Variants in TMPRSS2 observed in about 807,000 individuals in gnomAD.
TMPRSS2 encodes the protein transmembrane serine protease 2.
TMPRSS2 carries 59 observed loss-of-function variants against 67.4 expected under a neutral mutation model. The ratio of observed to expected loss-of-function variants is 0.88; its 90% CI spans 0.71 to 1.09. TMPRSS2 has a LOEUF of 1.09. Ranked by LOEUF, TMPRSS2 falls within the 50% of genes least tolerant of loss-of-function variation. The probability of loss-of-function intolerance (pLI) is 0.00; values close to 1 mark genes in which losing one functional copy is unlikely to be tolerated. For synonymous variants in TMPRSS2, 257 were observed against 257.0 expected (o/e 1.00, Z 0.00); for missense variants, 668 against 642.7 (o/e 1.04, Z -0.43).
rs1458606956 is a variant in TMPRSS2, at chr21:41,467,724, G to A, written c.1467+10C>T. The stretch of plus-strand genomic sequence containing the variant: ...GGAGAACACAGTCAGAAGGAGGACA[G>A]GATAGTTACCCTCATTTGTCGATAA... On this transcript the variant is annotated intron_variant, in intron 13 of 13. Transcript: ENST00000332149. The A allele has an allele frequency of 9.3e-6, 15 of 1,613,824 alleles. No individual in the cohort carries two copies. In the African/African-American group the frequency reaches 1.3e-4, roughly 14 times the overall value.
rs919974692 is a variant in TMPRSS2, at chr21:41,491,155, T to A, written c.239-1562A>T. 9.1e-3 allele frequency among the ~76,000 whole-genome samples: 577 copies of A among 63,078 alleles called. 5 individuals are homozygous for A. The highest frequency in any genetic ancestry group is 0.074 in the African/African-American group (553 of 7,476). The allele number at this position is 63,078 out of a possible 152,430, so 41.4% of individuals were successfully genotyped here. ...TCGGGCATGAATCTGCATTGCATTT[T>A]TTTTTTTTTTTTTTTTTTTTGAGAC... is the stretch of plus-strand genomic sequence containing the variant. On this transcript the variant is annotated intron_variant, in intron 3 of 13. Coordinates refer to ENST00000332149, the MANE Select transcript of TMPRSS2 (RefSeq NM_005656.4).
intron 2 of TMPRSS2, among the ~76,000 whole-genome samples, chr21:41,495,933 G>A (rs1220968488): frequency 4.6e-5 from 7 of 151,732 alleles, no homozygotes; most frequent in African/African-American, 7.3e-5. Flanking sequence ...AAAAAAAGTG[G>A]CAGACATTGG....
At chr21:41,469,978 C>T (rs1023405962) in intron 11 of TMPRSS2, among the ~76,000 whole-genome samples, 3 of 152,202 alleles carry the variant, frequency 2.0e-5, no homozygotes, top group Non-Finnish European at 4.4e-5. Flanking sequence ...CCCCCACTAC[C>T]TTCCCTGACG....
At chr21:41,472,049 A>T in intron 9 of TMPRSS2, 68 bp from the exon 10 acceptor site, 1 of 1,444,294 alleles carries the variant, frequency 6.9e-7, no homozygotes, top group Non-Finnish European at 9.3e-7. Context: ...TGAACTTCCA[A>T]CGTCAGAAGC....
chr21:41,491,150 C>T (rs974147893), intron 3 of TMPRSS2, among the ~76,000 whole-genome samples: 5 of 103,352 alleles, frequency 4.8e-5, no homozygotes, highest in African/African-American at 1.5e-4. Context: ...ATCTGCATTG[C>T]ATTTTTTTTT....
Position 41,508,100 on chromosome 21 carries a change from G to T in TMPRSS2, c.-76C>A. 1.7e-6 allele frequency: 2 copies of T among 1,200,200 alleles called. No homozygotes were observed. The highest frequency in any genetic ancestry group is 2.1e-6 in the Non-Finnish European group (2 of 936,972). The allele number at this position is 1,200,200 out of a possible 1,614,324, so 74.3% of individuals were successfully genotyped here. A position where few individuals can be genotyped will look rare whatever the true frequency, so the allele number is the denominator to read the frequency against. ...GCTCACCTGCCGCGCTCCAGGCGGC[G>T]CTCCCCGCCCCTCGCCCTCCGCCTC... On this transcript the variant is annotated 5_prime_UTR_variant, in exon 1 of 14. Transcript: ENST00000332149.
chr21:41,495,806 C>T (rs909235619), intron 2 of TMPRSS2, among the ~76,000 whole-genome samples: 1 of 151,822 alleles, frequency 6.6e-6, no homozygotes, highest in Non-Finnish European at 1.5e-5. Flanking sequence ...CAGACTCAAA[C>T]TCGAGAACCA....
At chr21:41,493,323 C>A (rs1480787924) in intron 3 of TMPRSS2, among the ~76,000 whole-genome samples, 1 of 151,908 alleles carries the variant, frequency 6.6e-6, no homozygotes, top group Non-Finnish European at 1.5e-5. Context: ...CAGGAGGTGG[C>A]TGGAGAGGAA....
intron 5 of TMPRSS2, among the ~76,000 whole-genome samples, 177 bp from the exon 6 acceptor site, chr21:41,480,779 CAGGCG>C (rs2091251339): frequency 6.6e-6 from 1 of 152,162 alleles, no homozygotes; most frequent in Admixed American, 6.5e-5. Flanking sequence ...GCTGGGATTA[CAGGCG>C]TCCACCACCC....
chr21:41,469,662 T>C (rs1427587978), intron 11 of TMPRSS2, among the ~76,000 whole-genome samples: 1 of 152,136 alleles, frequency 6.6e-6, no homozygotes, highest in Non-Finnish European at 1.5e-5. Context: ...AGCCGGGACC[T>C]TGTGATCCCC....
chr21:41,481,839 GATC>G (rs1246200198), intron 5 of TMPRSS2, among the ~76,000 whole-genome samples: 1 of 152,170 alleles, frequency 6.6e-6, no homozygotes, highest in Admixed American at 6.5e-5. Context: ...AAGGCGGGCA[GATC>G]ACCTGAGGTC....
intron 3 of TMPRSS2, among the ~76,000 whole-genome samples, chr21:41,492,024 G>A (rs568846685): frequency 2.0e-5 from 3 of 152,222 alleles, no homozygotes; most frequent in South Asian, 2.1e-4. Flanking sequence ...GCAAAACCCC[G>A]TCTCTACTAA....
chr21:41,491,901 G>A (rs1402258349), intron 3 of TMPRSS2, among the ~76,000 whole-genome samples: 3 of 152,180 alleles, frequency 2.0e-5, no homozygotes, highest in African/African-American at 4.8e-5. Context: ...TCACTGGCCC[G>A]GCACAGTGGC....
intron 3 of TMPRSS2, among the ~76,000 whole-genome samples, chr21:41,491,958 G>T (rs758618877): frequency 1.4e-4 from 22 of 152,190 alleles, no homozygotes; most frequent in Non-Finnish European, 2.9e-4. Flanking sequence ...ACTTTGGGAG[G>T]CCAAGGCAGG....
intron 1 of TMPRSS2, among the ~76,000 whole-genome samples, chr21:41,499,986 C>T (rs531884512): frequency 6.6e-6 from 1 of 152,296 alleles, no homozygotes; most frequent in African/African-American, 2.4e-5. Flanking sequence ...CGGACCTGGC[C>T]AGACCAGTGT....
intron 3 of TMPRSS2, among the ~76,000 whole-genome samples, chr21:41,492,218 CA>C (rs34769294): frequency 6.6e-6 from 1 of 151,688 alleles, no homozygotes; most frequent in Non-Finnish European, 1.5e-5. Flanking sequence ...AAACAAACAA[CA>C]AAAAAAACCC....
intron 9 of TMPRSS2, among the ~76,000 whole-genome samples, chr21:41,472,939 C>G (rs2091147125): frequency 6.6e-6 from 1 of 152,204 alleles, no homozygotes; most frequent in African/African-American, 2.4e-5. Flanking sequence ...GACCTTCCAG[C>G]AGGGCAGCCT....
intron 3 of TMPRSS2, among the ~76,000 whole-genome samples, chr21:41,491,151 A>ATTT (rs35598191): frequency 1.6e-3 from 167 of 106,540 alleles, no homozygotes; most frequent in Non-Finnish European, 2.3e-3. Flanking sequence ...TCTGCATTGC[A>ATTT]TTTTTTTTTT....
At chr21:41,495,440 A>G (rs1039100078) in intron 2 of TMPRSS2, among the ~76,000 whole-genome samples, 5 of 152,098 alleles carry the variant, frequency 3.3e-5, no homozygotes, top group Admixed American at 2.0e-4. Context: ...CCTGGCCAAC[A>G]TGGTGAAACC....
Sources: gnomAD v4.1 joint callset for allele counts (sites outside exome capture counted in the v4.1 genomes callset) on GRCh38, gnomAD v4.1.1 for gene constraint, MANE v1.5 for transcripts, NCBI Gene and HGNC (gene_info 2026-07-23, HGNC 2026-07-21) for gene names.